Variants in COL8A1 observed in about 807,000 individuals in gnomAD.
The protein encoded by COL8A1 is collagen type VIII alpha 1 chain.
Under a neutral mutation model 42.7 loss-of-function variants are expected in COL8A1, and 21 were observed. The ratio of observed to expected loss-of-function variants is 0.49; its 90% CI spans 0.35 to 0.71. COL8A1 has a LOEUF of 0.71. Among genes scored for constraint, COL8A1 ranks in the 30% least tolerant of loss-of-function variants. COL8A1 has a pLI of 0.01. For missense variants in COL8A1, 788 were observed against 962.4 expected, an observed-to-expected ratio of 0.82 and a Z score of 2.40; for synonymous variants, 367 against 369.1, an observed-to-expected ratio of 0.99 and a Z score of 0.06.
intron 2 of COL8A1, among the ~76,000 whole-genome samples, chr3:99,755,990 A>G (rs1941246584): frequency 1.3e-5 from 2 of 152,046 alleles, no homozygotes; most frequent in Non-Finnish European, 2.9e-5. Flanking sequence ...TGGACTCCGC[A>G]CATGAATGGA....
chr3:99,649,686 T>G (rs1368614015), intron 1 of COL8A1, among the ~76,000 whole-genome samples: 1 of 152,176 alleles, frequency 6.6e-6, no homozygotes, highest in African/African-American at 2.4e-5. Context: ...TGTGGTTTTC[T>G]GAGAGAACCA....
intron 1 of COL8A1, among the ~76,000 whole-genome samples, chr3:99,715,274 C>T (rs947813217): frequency 6.6e-6 from 1 of 152,024 alleles, no homozygotes; most frequent in African/African-American, 2.4e-5. Context: ...ATTTAAGAGA[C>T]TGTTGCAGTA....
rs138727825 is a variant in COL8A1 at position 99,749,527 on chromosome 3, G to C, written c.-4+4506G>C. Among the ~76,000 whole-genome samples the C allele has an allele frequency of 5.5e-3, 834 of 152,242 alleles. 24 individuals are homozygous for C. The highest frequency in any genetic ancestry group is 0.03 in the East Asian group (158 of 5,188). ...AAGACCAGAGCTCTACTCTCAAAGA[G>C]AACACTGATTGATAGGTTTATGAAC... On this transcript the variant is annotated intron_variant, in intron 2 of 3. Coordinates refer to ENST00000652472, the MANE Select transcript of COL8A1 (RefSeq NM_020351.4).
chr3:99,677,605 A>C (rs1431087611), intron 1 of COL8A1: 1 of 152,174 alleles, frequency 6.6e-6, no homozygotes, highest in African/African-American at 2.4e-5. Flanking sequence ...AAAATATACA[A>C]AGTGTTTACG....
At chr3:99,748,841 G>C (rs1941084918) in intron 2 of COL8A1, among the ~76,000 whole-genome samples, 1 of 152,082 alleles carries the variant, frequency 6.6e-6, no homozygotes, top group Non-Finnish European at 1.5e-5. Context: ...TCATTAAAAG[G>C]GTCCATTTTA....
At chr3:99,668,615 G>T (rs1453104467) in intron 1 of COL8A1, among the ~76,000 whole-genome samples, 1 of 151,978 alleles carries the variant, frequency 6.6e-6, no homozygotes, top group Admixed American at 6.6e-5. Flanking sequence ...CTCTAATTAA[G>T]TCTAACTCTA....
chr3:99,764,260 T>C (rs1941417786), intron 2 of COL8A1, among the ~76,000 whole-genome samples: 1 of 152,160 alleles, frequency 6.6e-6, no homozygotes, highest in African/African-American at 2.4e-5. Flanking sequence ...TACAGTAGAG[T>C]TCTTTGCATG....
chr3:99,713,706 G>T (rs1939910429), intron 1 of COL8A1, among the ~76,000 whole-genome samples: 1 of 152,052 alleles, frequency 6.6e-6, no homozygotes, highest in East Asian at 1.9e-4. Flanking sequence ...AGGAGCAGTG[G>T]TATTGTTTCA....
intron 1 of COL8A1, among the ~76,000 whole-genome samples, chr3:99,639,315 A>G (rs2107276263): frequency 6.6e-6 from 1 of 152,314 alleles, no homozygotes; most frequent in South Asian, 2.1e-4. Context: ...ACATCCTAAA[A>G]TGAGAATTAC....
chr3:99,654,000 A>G (rs1937934383), intron 1 of COL8A1, among the ~76,000 whole-genome samples: 1 of 152,242 alleles, frequency 6.6e-6, no homozygotes, highest in Middle Eastern at 3.4e-3. Flanking sequence ...CAAAACCTCA[A>G]AAGTAGGGAG....
intron 1 of COL8A1, among the ~76,000 whole-genome samples, chr3:99,737,482 A>G (rs1384193525): frequency 6.6e-6 from 1 of 151,910 alleles, no homozygotes; most frequent in Admixed American, 6.6e-5. Flanking sequence ...TCCTTCACTT[A>G]TGAAGCTTAG....
chr3:99,745,844 AC>A (rs2107407328), intron 2 of COL8A1, among the ~76,000 whole-genome samples: 1 of 150,030 alleles, frequency 6.7e-6, no homozygotes, highest in African/African-American at 2.5e-5. Flanking sequence ...AAAAAAAAAA[AC>A]CACAACATAC....
intron 2 of COL8A1, among the ~76,000 whole-genome samples, chr3:99,762,864 G>C (rs1397047780): frequency 6.6e-6 from 1 of 152,156 alleles, no homozygotes; most frequent in African/African-American, 2.4e-5. Context: ...GGGGAGACAT[G>C]GCTGGAGGAC....
chr3:99,782,275 A>G (rs900425485), intron 2 of COL8A1, among the ~76,000 whole-genome samples: 3 of 152,192 alleles, frequency 2.0e-5, no homozygotes, highest in Non-Finnish European at 2.9e-5. Context: ...TCATTATTCC[A>G]TCGCCAACTG....
At chr3:99,697,431 A>C (rs1043500613) in intron 1 of COL8A1, among the ~76,000 whole-genome samples, 1 of 152,220 alleles carries the variant, frequency 6.6e-6, no homozygotes, top group African/African-American at 2.4e-5. Flanking sequence ...TAAGTTTATG[A>C]CTCAGAATTA....
intron 1 of COL8A1, among the ~76,000 whole-genome samples, chr3:99,657,758 C>T (rs1430426642): frequency 1.3e-5 from 2 of 151,956 alleles, no homozygotes; most frequent in Non-Finnish European, 2.9e-5. Context: ...GGAGACTTTA[C>T]TCTTAATTGT....
chr3:99,673,774 G>A (rs1457935571), intron 1 of COL8A1, among the ~76,000 whole-genome samples: 1 of 151,974 alleles, frequency 6.6e-6, no homozygotes, highest in Non-Finnish European at 1.5e-5. Flanking sequence ...GAGTCAGACT[G>A]CCTGGGTTTG....
chr3:99,643,270 T>C (rs1937546302), intron 1 of COL8A1, among the ~76,000 whole-genome samples: 1 of 152,202 alleles, frequency 6.6e-6, no homozygotes, highest in African/African-American at 2.4e-5. Flanking sequence ...AAACCATAGC[T>C]TGGTAGAGGT....
intron 2 of COL8A1, among the ~76,000 whole-genome samples, chr3:99,754,091 T>C (rs1941207490): frequency 6.6e-6 from 1 of 152,236 alleles, no homozygotes; most frequent in Non-Finnish European, 1.5e-5. Context: ...ACTGAATAAA[T>C]AATTTTTTTC....
Sources: allele counts gnomAD v4.1 joint callset (sites outside exome capture counted in the v4.1 genomes callset), GRCh38; gene constraint gnomAD v4.1.1; transcripts MANE v1.5; gene names NCBI Gene and HGNC (gene_info 2026-07-23, HGNC 2026-07-21).